TAFA1: variants seen among roughly 807,000 people sequenced by gnomAD.
TAFA1 encodes the protein chemokine-like protein TAFA-1.
A neutral mutation model predicts 18.5 loss-of-function variants in TAFA1; 4 were observed. The observed-to-expected ratio is 0.22, with a 90% CI of 0.11 to 0.49. The LOEUF (loss-of-function observed/expected upper bound fraction) is 0.49. Ranked by LOEUF, TAFA1 falls within the 20% of genes least tolerant of loss-of-function variation. TAFA1 has a pLI of 0.98. For missense variants in TAFA1, 147 were observed against 169.0 expected (o/e 0.87, Z 0.72); for synonymous variants, 56 against 55.2 (o/e 1.01, Z -0.06).
intron 2 of TAFA1, among the ~76,000 whole-genome samples, chr3:68,267,364 T>C (rs1312844438): frequency 6.6e-6 from 1 of 152,198 alleles, no homozygotes; most frequent in African/African-American, 2.4e-5. Flanking sequence ...TCCATGGTTG[T>C]CACATCATTA....
At chr3:68,430,821 GCAAA>G (rs2071155574) in intron 3 of TAFA1, among the ~76,000 whole-genome samples, 1 of 151,842 alleles carries the variant, frequency 6.6e-6, no homozygotes, top group Non-Finnish European at 1.5e-5. Context: ...CACACACACA[GCAAA>G]CAAACAAAAC....
chr3:68,191,446 G>A (rs943372679), intron 2 of TAFA1, among the ~76,000 whole-genome samples: 4 of 151,830 alleles, frequency 2.6e-5, no homozygotes, highest in Non-Finnish European at 5.9e-5. Flanking sequence ...GTAAACTGAA[G>A]CTGAAGCTTG....
chr3:68,217,449 A>G (rs2066673275), intron 2 of TAFA1, among the ~76,000 whole-genome samples: 1 of 152,132 alleles, frequency 6.6e-6, no homozygotes. Flanking sequence ...GTCACAGCCA[A>G]GAAGACTAAA....
chr3:68,469,542 G>A (rs111753145), intron 3 of TAFA1, among the ~76,000 whole-genome samples: 3,467 of 152,122 alleles, frequency 0.023, 140 homozygotes, highest in African/African-American at 0.079. Flanking sequence ...GCGTGGTGGC[G>A]GGTGCCTGTA....
At chr3:68,305,681 A>C (rs1260214664) in intron 2 of TAFA1, among the ~76,000 whole-genome samples, 1 of 151,888 alleles carries the variant, frequency 6.6e-6, no homozygotes, top group African/African-American at 2.4e-5. Context: ...GATGGAAAGA[A>C]AGTGCCTTAT....
At chr3:68,466,974 C>T (rs559231860) in intron 3 of TAFA1, among the ~76,000 whole-genome samples, 18 of 152,088 alleles carry the variant, frequency 1.2e-4, no homozygotes, top group South Asian at 2.1e-4. Flanking sequence ...AGGGAGTGTA[C>T]GAATAGGAAT....
At chr3:68,277,837 T>C (rs1221313980) in intron 2 of TAFA1, among the ~76,000 whole-genome samples, 7 of 152,198 alleles carry the variant, frequency 4.6e-5, no homozygotes. Context: ...GACATTTTCC[T>C]CTACTCAACA....
chr3:68,259,733 CTGTT>C (rs1481418413), intron 2 of TAFA1, among the ~76,000 whole-genome samples: 3 of 151,720 alleles, frequency 2.0e-5, no homozygotes, highest in Non-Finnish European at 4.4e-5. Flanking sequence ...ATTTGGCTCT[CTGTT>C]TGTCTGTTAT....
At chr3:68,196,767 G>A (rs2066415581) in intron 2 of TAFA1, among the ~76,000 whole-genome samples, 1 of 151,726 alleles carries the variant, frequency 6.6e-6, no homozygotes, top group Admixed American at 6.6e-5. Context: ...TGCCTGCTGA[G>A]TGACCATGCC....
chr3:68,539,663 C>CTG (rs1400348640), intron 4 of TAFA1, among the ~76,000 whole-genome samples: 8 of 41,978 alleles, frequency 1.9e-4, no homozygotes, highest in East Asian at 1.7e-3. Flanking sequence ...CTTTGTCTCT[C>CTG]TCTGTGTGTG....
intron 3 of TAFA1, among the ~76,000 whole-genome samples, chr3:68,512,279 C>T (rs972574747): frequency 1.3e-5 from 2 of 152,116 alleles, no homozygotes; most frequent in Non-Finnish European, 2.9e-5. Context: ...AACTGAGATG[C>T]TTCCAAAATA....
intron 2 of TAFA1, among the ~76,000 whole-genome samples, chr3:68,385,591 C>G (rs940450262): frequency 6.6e-6 from 1 of 152,024 alleles, no homozygotes; most frequent in Non-Finnish European, 1.5e-5. Context: ...GCATGAAGCA[C>G]TTAGTGCAAT....
At chr3:68,434,657 A>C (rs1477611634) in intron 3 of TAFA1, among the ~76,000 whole-genome samples, 1 of 152,148 alleles carries the variant, frequency 6.6e-6, no homozygotes, top group Non-Finnish European at 1.5e-5. Flanking sequence ...CTTGTGACCA[A>C]AGGTAGAATT....
At chr3:68,146,650 C>A (rs182092268) in intron 2 of TAFA1, among the ~76,000 whole-genome samples, 1 of 152,306 alleles carries the variant, frequency 6.6e-6, no homozygotes, top group Admixed American at 6.5e-5. Flanking sequence ...AAGTAATCTA[C>A]AAATATCTTA....
At chr3:68,240,633 A>C (rs1412652028) in intron 2 of TAFA1, among the ~76,000 whole-genome samples, 1 of 152,178 alleles carries the variant, frequency 6.6e-6, no homozygotes, top group Non-Finnish European at 1.5e-5. Flanking sequence ...TAGACCTAGT[A>C]TGTCCTAGCG....
At chr3:68,398,532 C>T (rs1471939733) in intron 2 of TAFA1, among the ~76,000 whole-genome samples, 1 of 152,174 alleles carries the variant, frequency 6.6e-6, no homozygotes, top group African/African-American at 2.4e-5. Flanking sequence ...GTCTTTCCTG[C>T]ATTATTGACT....
At chr3:68,373,123 G>T (rs1298398313) in intron 2 of TAFA1, among the ~76,000 whole-genome samples, 1 of 152,060 alleles carries the variant, frequency 6.6e-6, no homozygotes. Flanking sequence ...ACAGTGCCTG[G>T]CACATAGCAG....
chr3:68,107,521 A>C (rs952486106), intron 2 of TAFA1, among the ~76,000 whole-genome samples: 1 of 152,122 alleles, frequency 6.6e-6, no homozygotes, highest in African/African-American at 2.4e-5. Context: ...AAAAGCACAA[A>C]CATGAATGAA....
intron 2 of TAFA1, among the ~76,000 whole-genome samples, chr3:68,098,600 T>C: frequency 6.6e-6 from 1 of 151,626 alleles, no homozygotes; most frequent in South Asian, 2.1e-4. Flanking sequence ...AAAGATAGGG[T>C]GGTGGGCAGA....
Sources: gnomAD v4.1 joint callset for allele counts (sites outside exome capture counted in the v4.1 genomes callset) on GRCh38, gnomAD v4.1.1 for gene constraint, MANE v1.5 for transcripts, NCBI Gene and HGNC (gene_info 2026-07-23, HGNC 2026-07-21) for gene names.